The following SMYD3 variants were observed in gnomAD, a reference collection of about 807,000 sequenced individuals.
The protein encoded by SMYD3 is SET and MYND domain containing 3.
A neutral mutation model predicts 57.7 loss-of-function variants in SMYD3; 36 were observed. The ratio of observed to expected loss-of-function variants is 0.62; its 90% CI spans 0.48 to 0.82. SMYD3 has a LOEUF of 0.82. Among genes scored for constraint, SMYD3 ranks in the 40% least tolerant of loss-of-function variants. SMYD3 has a pLI of 0.00. For synonymous variants in SMYD3, 211 were observed against 195.0 expected, an observed-to-expected ratio of 1.08 and a Z score of -0.68; for missense variants, 515 against 538.8, an observed-to-expected ratio of 0.96 and a Z score of 0.44.
At chr1:245,850,952 G>A (rs2050940943) in intron 10 of SMYD3, among the ~76,000 whole-genome samples, 1 of 152,190 alleles carries the variant, frequency 6.6e-6, no homozygotes, top group African/African-American at 2.4e-5. Flanking sequence ...GGATGACAGT[G>A]TGGAGCTAAA....
chr1:245,907,202 T>A (rs1370473474), intron 8 of SMYD3, among the ~76,000 whole-genome samples: 2 of 152,174 alleles, frequency 1.3e-5, no homozygotes, highest in Non-Finnish European at 2.9e-5. Flanking sequence ...TGTTTTAAGA[T>A]AACTTAAAAA....
chr1:246,376,098 A>C (rs1367352897), intron 1 of SMYD3, among the ~76,000 whole-genome samples: 1 of 152,150 alleles, frequency 6.6e-6, no homozygotes, highest in Admixed American at 6.5e-5. Flanking sequence ...CTTCTCAAAA[A>C]AACTATTTTG....
intron 11 of SMYD3, among the ~76,000 whole-genome samples, chr1:245,752,006 T>C (rs2045404681): frequency 6.6e-6 from 1 of 152,220 alleles, no homozygotes; most frequent in African/African-American, 2.4e-5. Flanking sequence ...TTTTATTCTC[T>C]TTTCTCCACA....
At chr1:246,324,429 A>AG (rs1463510663) in intron 5 of SMYD3, among the ~76,000 whole-genome samples, 1 of 151,790 alleles carries the variant, frequency 6.6e-6, no homozygotes, top group East Asian at 1.9e-4. Context: ...AAAAAAAAAA[A>AG]AAAAAAAAAG....
chr1:246,157,409 A>C (rs1013090651), intron 5 of SMYD3, among the ~76,000 whole-genome samples: 1 of 152,202 alleles, frequency 6.6e-6, no homozygotes, highest in Non-Finnish European at 1.5e-5. Context: ...TCTGTTTCTT[A>C]TAAACTCATG....
intron 5 of SMYD3, among the ~76,000 whole-genome samples, chr1:246,241,244 T>G (rs1441440073): frequency 6.6e-6 from 1 of 152,214 alleles, no homozygotes; most frequent in Non-Finnish European, 1.5e-5. Context: ...TAAACAGTTC[T>G]TATTATTTAG....
intron 5 of SMYD3, among the ~76,000 whole-genome samples, chr1:246,044,398 T>C (rs554775555): frequency 1.3e-5 from 2 of 152,354 alleles, no homozygotes; most frequent in South Asian, 2.1e-4. Flanking sequence ...TCGCATGATG[T>C]CTATTTTACC....
At chr1:246,413,273 C>T (rs2067005921) in intron 1 of SMYD3, among the ~76,000 whole-genome samples, 1 of 152,150 alleles carries the variant, frequency 6.6e-6, no homozygotes, top group Non-Finnish European at 1.5e-5. Flanking sequence ...CAAAGTCACA[C>T]AGTAAATAGT....
chr1:246,279,892 T>C (rs984044098), intron 5 of SMYD3, among the ~76,000 whole-genome samples: 3 of 152,202 alleles, frequency 2.0e-5, no homozygotes, highest in Admixed American at 6.5e-5. Context: ...TGAACAATTA[T>C]AGTATCTTGG....
chr1:246,097,240 T>A (rs1373778721), intron 5 of SMYD3, among the ~76,000 whole-genome samples: 1 of 152,110 alleles, frequency 6.6e-6, no homozygotes, highest in Non-Finnish European at 1.5e-5. Flanking sequence ...CCTGAGGAGG[T>A]CAGTGCTTGG....
chr1:246,326,119 T>A (rs906102136), intron 5 of SMYD3: 6 of 355,624 alleles, frequency 1.7e-5, no homozygotes, highest in African/African-American at 1.3e-4. Flanking sequence ...TCAAACCAAT[T>A]ACATTTAATT....
intron 5 of SMYD3, among the ~76,000 whole-genome samples, chr1:245,944,650 C>T (rs1468733922): frequency 6.6e-6 from 1 of 152,036 alleles, no homozygotes. Flanking sequence ...TTTTAAAATC[C>T]ATATGGAACC....
chr1:245,817,321 C>G (rs1446901807), intron 10 of SMYD3, among the ~76,000 whole-genome samples: 2 of 144,746 alleles, frequency 1.4e-5, no homozygotes, highest in East Asian at 2.1e-4. Context: ...TTCCAACAGC[C>G]CTGCAGCTGA....
Position 246,143,256 on chromosome 1 carries a change from A to C in SMYD3, c.531+183945T>G, listed in dbSNP as rs73141342. On this transcript the variant is annotated intron_variant, in intron 5 of 11. Transcript: ENST00000490107. ...TCTTAGTGAATCATGCATTACTGCAAGAAATACGTCTTCCCAAAGGCTTCA... is the reference window on the plus strand; with the variant it reads ...TCTTAGTGAATCATGCATTACTGCACGAAATACGTCTTCCCAAAGGCTTCA... Among the ~76,000 whole-genome samples the C allele has an allele frequency of 8.8e-3, 1,340 of 152,352 alleles. 15 individuals carry two copies. Among genetic ancestry groups the C allele is most frequent in the African/African-American group, 0.03 (1,247 of 41,576 alleles).
intron 8 of SMYD3, among the ~76,000 whole-genome samples, chr1:245,903,448 A>G (rs148303266): frequency 4.3e-4 from 66 of 152,306 alleles, no homozygotes; most frequent in African/African-American, 1.5e-3. Context: ...AGCTTCACCA[A>G]TTGCCCCCAC....
intron 5 of SMYD3, among the ~76,000 whole-genome samples, chr1:246,136,884 A>G (rs898911884): frequency 1.2e-4 from 19 of 152,220 alleles, no homozygotes; most frequent in African/African-American, 4.6e-4. Context: ...TGCAGAGCAC[A>G]GTCTGCCCAA....
intron 5 of SMYD3, among the ~76,000 whole-genome samples, chr1:246,051,619 C>T (rs1231518830): frequency 6.6e-6 from 1 of 150,526 alleles, no homozygotes; most frequent in Non-Finnish European, 1.5e-5. Flanking sequence ...AGCAATTAAA[C>T]TGTAGGCCAT....
At chr1:246,134,722 GA>G (rs1321440902) in intron 5 of SMYD3, among the ~76,000 whole-genome samples, 1 of 151,920 alleles carries the variant, frequency 6.6e-6, no homozygotes, top group Non-Finnish European at 1.5e-5. Flanking sequence ...CTGACTTTTA[GA>G]GGGTTAAATA....
At chr1:246,363,467 G>A (rs2066042345) in intron 1 of SMYD3, among the ~76,000 whole-genome samples, 1 of 152,178 alleles carries the variant, frequency 6.6e-6, no homozygotes, top group African/African-American at 2.4e-5. Context: ...TGGCGGTTTT[G>A]TGGAATAGAA....
Sources: allele counts gnomAD v4.1 joint callset (sites outside exome capture counted in the v4.1 genomes callset), GRCh38; gene constraint gnomAD v4.1.1; transcripts MANE v1.5; gene names NCBI Gene and HGNC (gene_info 2026-07-23, HGNC 2026-07-21).